The following BNC2 variants were observed in gnomAD, a reference collection of about 807,000 sequenced individuals.
The protein encoded by BNC2 is basonuclin zinc finger protein 2.
BNC2 carries 20 observed loss-of-function variants against 76.3 expected under a neutral mutation model. The observed-to-expected ratio is 0.26, with a 90% CI of 0.18 to 0.38. The LOEUF (loss-of-function observed/expected upper bound fraction) is 0.38, where lower values mean the gene tolerates loss of function less well. BNC2 is among the 10% of genes least tolerant of loss of function. The pLI, the probability that BNC2 is intolerant of heterozygous loss-of-function variation, is 1.00. For missense variants in BNC2, 1,382 were observed against 1,399.8 expected (o/e 0.99, Z 0.20); for synonymous variants, 582 against 514.8 (o/e 1.13, Z -1.77).
chr9:16,854,321 G>A (rs1348578671), intron 1 of BNC2, among the ~76,000 whole-genome samples: 2 of 152,150 alleles, frequency 1.3e-5, no homozygotes, highest in African/African-American at 2.4e-5. Context: ...ACAATGTACA[G>A]AATTATTAAG....
chr9:16,675,764 A>C (rs1822619643), intron 3 of BNC2, among the ~76,000 whole-genome samples: 1 of 152,150 alleles, frequency 6.6e-6, no homozygotes, highest in African/African-American at 2.4e-5. Flanking sequence ...AGGTTACATA[A>C]CTTAAGTAAT....
chr9:16,666,116 T>C (rs190939534), intron 3 of BNC2, among the ~76,000 whole-genome samples: 240 of 152,336 alleles, frequency 1.6e-3, no homozygotes, highest in African/African-American at 5.4e-3. Flanking sequence ...GTATAAAATT[T>C]GAATTCATAT....
intron 3 of BNC2, among the ~76,000 whole-genome samples, chr9:16,679,089 G>C (rs563644196): frequency 6.6e-6 from 1 of 152,000 alleles, no homozygotes; most frequent in Non-Finnish European, 1.5e-5. Context: ...ACAGAGCGAG[G>C]GCACCTAATA....
chr9:16,675,226 T>C (rs1310000543), intron 3 of BNC2, among the ~76,000 whole-genome samples: 1 of 152,000 alleles, frequency 6.6e-6, no homozygotes, highest in Admixed American at 6.6e-5. Context: ...CCACTTGGAT[T>C]ATACAAAACA....
Position 16,429,811 on chromosome 9 carries a change from G to A in BNC2, c.2639+5744C>T, listed in dbSNP as rs181858032. 5.9e-5 allele frequency: 25 copies of A among 425,944 alleles called. No homozygotes were observed. In the East Asian group the frequency reaches 9.3e-4, roughly 16 times the overall value. 26.4% of individuals were successfully genotyped at this position (425,944 alleles called of 1,614,324 possible). On this transcript the variant is annotated intron_variant, in intron 6 of 6. Transcript: ENST00000380672. ...CTATTTGGTGCACAGTTCTGAAGAC[G>A]GTGGAAATGAGTGGTGCAGTTCTTG...
At chr9:16,577,369 C>CA (rs555205738) in intron 4 of BNC2, among the ~76,000 whole-genome samples, 11 of 148,400 alleles carry the variant, frequency 7.4e-5, no homozygotes, top group African/African-American at 2.2e-4. Context: ...CCAGTGAATA[C>CA]AAAAAAAAAG....
intron 1 of BNC2, among the ~76,000 whole-genome samples, chr9:16,787,356 T>C (rs1023224396): frequency 6.6e-6 from 1 of 152,216 alleles, no homozygotes; most frequent in Non-Finnish European, 1.5e-5. Context: ...TAAGTCGGCC[T>C]GGTGCTAGCA....
At chr9:16,835,912 A>G (rs1162398096) in intron 1 of BNC2, among the ~76,000 whole-genome samples, 1 of 152,182 alleles carries the variant, frequency 6.6e-6, no homozygotes, top group African/African-American at 2.4e-5. Flanking sequence ...CTAATAGGAT[A>G]AATCTTTCAA....
intron 5 of BNC2, among the ~76,000 whole-genome samples, chr9:16,504,082 C>T (rs1822576079): frequency 1.3e-5 from 2 of 152,076 alleles, no homozygotes; most frequent in Admixed American, 1.3e-4. Flanking sequence ...AAAAACACAT[C>T]ACCTGCACCT....
intron 5 of BNC2, among the ~76,000 whole-genome samples, chr9:16,455,188 A>T (rs1260122970): frequency 6.6e-6 from 1 of 152,196 alleles, no homozygotes; most frequent in African/African-American, 2.4e-5. Flanking sequence ...GCACATTTAA[A>T]ATACTTTAAC....
intron 5 of BNC2, among the ~76,000 whole-genome samples, chr9:16,452,870 A>G (rs930380821): frequency 2.0e-5 from 3 of 152,270 alleles, no homozygotes; most frequent in African/African-American, 7.2e-5. Context: ...AATCTATTTT[A>G]TAAGGAAAAC....
chr9:16,472,743 C>T (rs1172944211), intron 5 of BNC2, among the ~76,000 whole-genome samples: 1 of 152,114 alleles, frequency 6.6e-6, no homozygotes, highest in Non-Finnish European at 1.5e-5. Flanking sequence ...ATTGGAGGCT[C>T]AATGAATAGT....
chr9:16,864,194 G>A (rs957709496), intron 1 of BNC2, among the ~76,000 whole-genome samples: 3 of 152,058 alleles, frequency 2.0e-5, no homozygotes, highest in Non-Finnish European at 4.4e-5. Flanking sequence ...ATCAAAGGAG[G>A]AAAAGAGCAA....
chr9:16,814,300 C>G (rs1486380354), intron 1 of BNC2, among the ~76,000 whole-genome samples: 1 of 152,216 alleles, frequency 6.6e-6, no homozygotes, highest in African/African-American at 2.4e-5. Flanking sequence ...TACACACACA[C>G]TCTCCCTTTC....
At chr9:16,627,039 C>A (rs552781371) in intron 3 of BNC2, among the ~76,000 whole-genome samples, 5 of 152,270 alleles carry the variant, frequency 3.3e-5, no homozygotes, top group South Asian at 2.1e-4. Flanking sequence ...CGCTCTGTTA[C>A]ACTGTGTCAC....
chr9:16,425,064 A>C (rs1820778518), intron 6 of BNC2, among the ~76,000 whole-genome samples: 1 of 152,206 alleles, frequency 6.6e-6, no homozygotes, highest in African/African-American at 2.4e-5. Context: ...GTAACACTCA[A>C]AAAGCCCCAA....
intron 5 of BNC2, among the ~76,000 whole-genome samples, chr9:16,493,541 C>G (rs756773769): frequency 2.0e-5 from 3 of 152,170 alleles, no homozygotes; most frequent in Non-Finnish European, 4.4e-5. Flanking sequence ...TCTTCCAGTT[C>G]TATGCTGGCC....
intron 1 of BNC2, among the ~76,000 whole-genome samples, chr9:16,821,852 G>A (rs1818339536): frequency 6.6e-6 from 1 of 152,058 alleles, no homozygotes; most frequent in South Asian, 2.1e-4. Flanking sequence ...CCAGCATTCT[G>A]GAAGGCCAAG....
chr9:16,838,455 G>A (rs1338427889), intron 1 of BNC2, among the ~76,000 whole-genome samples: 48 of 152,122 alleles, frequency 3.2e-4, no homozygotes, highest in Non-Finnish European at 1.2e-4. Context: ...CAGCTACTCG[G>A]GAGGCTGAGG....
Sources: allele counts gnomAD v4.1 joint callset (sites outside exome capture counted in the v4.1 genomes callset), GRCh38; gene constraint gnomAD v4.1.1; transcripts MANE v1.5; gene names NCBI Gene and HGNC (gene_info 2026-07-23, HGNC 2026-07-21).